Variants in SLC14A2 observed in about 807,000 individuals in gnomAD.
SLC14A2 encodes the protein urea transporter 2.
SLC14A2 carries 91 observed loss-of-function variants against 104.6 expected under a neutral mutation model. That is an observed-to-expected ratio of 0.87 (90% confidence interval 0.73 to 1.04). The LOEUF (loss-of-function observed/expected upper bound fraction) is 1.04. Among genes scored for constraint, SLC14A2 ranks in the 50% least tolerant of loss-of-function variants. The pLI is 0.00. For synonymous variants in SLC14A2, 476 were observed against 466.4 expected (o/e 1.02, Z -0.27); for missense variants, 1,189 against 1,156.0 (o/e 1.03, Z -0.41).
chr18:45,327,602 C>T (rs964556768), intron 1 of SLC14A2, among the ~76,000 whole-genome samples: 3 of 152,200 alleles, frequency 2.0e-5, no homozygotes, highest in African/African-American at 7.2e-5. Context: ...TTTGACTACT[C>T]TAGGTACTTC....
At chr18:45,680,135 T>C (rs1436955834) in intron 19 of SLC14A2, among the ~76,000 whole-genome samples, 1 of 152,196 alleles carries the variant, frequency 6.6e-6, no homozygotes, top group Non-Finnish European at 1.5e-5. Context: ...AATAAGGGCA[T>C]GAAGTATTGG....
intron 2 of SLC14A2, among the ~76,000 whole-genome samples, chr18:45,516,332 A>G (rs1310550375): frequency 2.0e-5 from 3 of 152,078 alleles, no homozygotes; most frequent in Non-Finnish European, 4.4e-5. Flanking sequence ...CACTTAGGTA[A>G]CAGTTTGAAG....
At chr18:45,452,366 A>T (rs2086871903) in intron 1 of SLC14A2, among the ~76,000 whole-genome samples, 1 of 152,236 alleles carries the variant, frequency 6.6e-6, no homozygotes, top group Admixed American at 6.5e-5. Flanking sequence ...AAGAGTGCAC[A>T]TCCCTTTGGT....
chr18:45,401,391 T>C (rs191161073), intron 1 of SLC14A2, among the ~76,000 whole-genome samples: 1 of 152,294 alleles, frequency 6.6e-6, no homozygotes, highest in Admixed American at 6.5e-5. Flanking sequence ...TCATCATTAA[T>C]GAATCTGAAA....
At position 45,534,553 on chromosome 18, in the gene SLC14A2, T is replaced by C. The variant is rs149582596; in HGVS notation, c.-35+51231T>C. On this transcript the variant is annotated intron_variant, in intron 2 of 20. Coordinates refer to the SLC14A2 transcript ENST00000586448. ...GTAAATTTAATCCTCTAATGAATAA[T>C]AATAATAATAACAATGTAGACCCTT... Among the ~76,000 whole-genome samples, 564 of 152,140 alleles carry C rather than the reference T, an allele frequency of 3.7e-3. 17 individuals carry two copies. The highest frequency in any genetic ancestry group is 0.033 in the Admixed American group (499 of 15,274).
At position 45,214,585 on chromosome 18, in the gene SLC14A2, G is replaced by A. The variant is rs1026152058; in HGVS notation, c.-125+1394G>A. Among the ~76,000 whole-genome samples, 46 of 152,014 alleles carry A rather than the reference G, an allele frequency of 3.0e-4. 2 individuals are homozygous for A. The highest frequency in any genetic ancestry group is 4.8e-5 in the African/African-American group (2 of 41,376). On this transcript the variant is annotated intron_variant, in intron 1 of 20. Transcript: ENST00000586448. ...CATTGTGACTACATTGGTCTTTATC[G>A]ATAATTTTATGTAGCATAATCCATC...
intron 1 of SLC14A2, among the ~76,000 whole-genome samples, chr18:45,317,175 A>T (rs573397065): frequency 6.6e-6 from 1 of 152,380 alleles, no homozygotes; most frequent in South Asian, 2.1e-4. Flanking sequence ...CTCAGTGGGA[A>T]GATGAAGCAC....
At chr18:45,266,157 A>C (rs1365783625) in intron 1 of SLC14A2, among the ~76,000 whole-genome samples, 1 of 152,144 alleles carries the variant, frequency 6.6e-6, no homozygotes, top group Admixed American at 6.5e-5. Context: ...GAGGTCATTG[A>C]TGCCTGCTGT....
At chr18:45,574,592 C>A (rs549443862) in intron 2 of SLC14A2, among the ~76,000 whole-genome samples, 4 of 152,224 alleles carry the variant, frequency 2.6e-5, no homozygotes, top group African/African-American at 9.6e-5. Flanking sequence ...CCTCTCCTAA[C>A]ATTTGCATAC....
chr18:45,534,845 A>G (rs997161441), intron 2 of SLC14A2, among the ~76,000 whole-genome samples: 30 of 152,316 alleles, frequency 2.0e-4, no homozygotes, highest in African/African-American at 7.0e-4. Context: ...ATGGTAGATT[A>G]TTTTCAGCCC....
At chr18:45,222,877 C>T (rs1023396058) in intron 1 of SLC14A2, among the ~76,000 whole-genome samples, 1 of 152,156 alleles carries the variant, frequency 6.6e-6, no homozygotes, top group Non-Finnish European at 1.5e-5. Context: ...CTCTCCCTTT[C>T]TCAGTGCCTG....
chr18:45,643,939 A>C (rs1354552044), intron 9 of SLC14A2, 47 bp from the exon 10 acceptor site: 29 of 1,574,176 alleles, frequency 1.8e-5, no homozygotes, highest in Admixed American at 5.1e-5. Flanking sequence ...CCAGCCCAAC[A>C]CAGGAAACTA....
intron 1 of SLC14A2, among the ~76,000 whole-genome samples, chr18:45,440,836 G>A (rs1241922168): frequency 6.6e-6 from 1 of 152,166 alleles, no homozygotes; most frequent in African/African-American, 2.4e-5. Context: ...AGTCATAGGT[G>A]AGAACCTACC....
At chr18:45,607,131 C>T (rs895270513) in intron 2 of SLC14A2, among the ~76,000 whole-genome samples, 1 of 151,974 alleles carries the variant, frequency 6.6e-6, no homozygotes, top group South Asian at 2.1e-4. Context: ...TCGCTGAAGG[C>T]AATGTTGGTT....
At chr18:45,525,471 A>C (rs181299051) in intron 2 of SLC14A2, among the ~76,000 whole-genome samples, 4 of 152,316 alleles carry the variant, frequency 2.6e-5, no homozygotes, top group East Asian at 1.9e-4. Flanking sequence ...TGCAGCTTAG[A>C]TATGCCTTGG....
At chr18:45,458,004 G>A (rs747148716) in intron 1 of SLC14A2, among the ~76,000 whole-genome samples, 1 of 152,282 alleles carries the variant, frequency 6.6e-6, no homozygotes, top group Admixed American at 6.5e-5. Context: ...GTGAGCCTTC[G>A]TAGGAGAATG....
chr18:45,412,329 T>C (rs542669170), intron 1 of SLC14A2, among the ~76,000 whole-genome samples: 57 of 152,324 alleles, frequency 3.7e-4, no homozygotes, highest in African/African-American at 1.4e-3. Context: ...GTGCTTTTCA[T>C]TGCTTAACTC....
At chr18:45,389,246 C>T (rs1032389796) in intron 1 of SLC14A2, among the ~76,000 whole-genome samples, 1 of 152,190 alleles carries the variant, frequency 6.6e-6, no homozygotes, top group Non-Finnish European at 1.5e-5. Flanking sequence ...AATTGCAAGA[C>T]AAGTTTGCGA....
chr18:45,186,133 T>C, the SLC14A2 span, among the ~76,000 whole-genome samples: 1 of 152,180 alleles, frequency 6.6e-6, no homozygotes, highest in Non-Finnish European at 1.5e-5. Flanking sequence ...ACTCTAAAAT[T>C]CCTATGCAAA....
Sources: allele counts gnomAD v4.1 joint callset (sites outside exome capture counted in the v4.1 genomes callset), GRCh38; gene constraint gnomAD v4.1.1; transcripts MANE v1.5; gene names NCBI Gene and HGNC (gene_info 2026-07-23, HGNC 2026-07-21).